The following PIP4K2A variants were observed in gnomAD, a reference collection of about 807,000 sequenced individuals.
PIP4K2A encodes phosphatidylinositol-5-phosphate 4-kinase type 2 alpha.
Under a neutral mutation model 42.9 loss-of-function variants are expected in PIP4K2A, and 14 were observed. The observed-to-expected ratio is 0.33, with a 90% confidence interval of 0.22 to 0.51. PIP4K2A has a LOEUF of 0.51. PIP4K2A is among the 20% of genes least tolerant of loss of function. PIP4K2A has a pLI of 0.97. For missense variants in PIP4K2A, 434 were observed against 519.8 expected, an observed-to-expected ratio of 0.83 and a Z score of 1.61; for synonymous variants, 192 against 192.2, an observed-to-expected ratio of 1.00 and a Z score of 0.01.
At chr10:22,667,935 AGACAGAG>A (rs1839380876) in intron 1 of PIP4K2A, among the ~76,000 whole-genome samples, 1 of 58,840 alleles carries the variant, frequency 1.7e-5, no homozygotes, top group Non-Finnish European at 4.4e-5. Context: ...GGAGGGAGGG[AGACAGAG>A]AGACAGAGAG....
chr10:22,624,824 ACT>A lies in PIP4K2A; in HGVS notation c.145-15109_145-15108del, dbSNP rs527462462. On this transcript the variant is annotated intron_variant, in intron 1 of 9. Transcript: ENST00000376573. ...CAAACAGATGTTTGAAAATATTTCC[ACT>A]GTTTTGTTATCTTTTTGCCAAAAAC... is the stretch of plus-strand genomic sequence containing the variant. 1.2e-4 allele frequency among the ~76,000 whole-genome samples: 19 copies of A among 152,342 alleles called. No homozygotes were observed. In the East Asian group the frequency reaches 3.7e-3, roughly 29 times the overall value.
chr10:22,708,932 G>A (rs1833865526), intron 1 of PIP4K2A, among the ~76,000 whole-genome samples: 1 of 152,114 alleles, frequency 6.6e-6, no homozygotes, highest in African/African-American at 2.4e-5. Context: ...ACAGGTGTGT[G>A]CCACCATACC....
At chr10:22,703,756 T>C (rs572349267) in intron 1 of PIP4K2A, among the ~76,000 whole-genome samples, 1 of 152,204 alleles carries the variant, frequency 6.6e-6, no homozygotes, top group Non-Finnish European at 1.5e-5. Flanking sequence ...CAAAACTGAA[T>C]GCCGGGAGAC....
intron 1 of PIP4K2A, among the ~76,000 whole-genome samples, chr10:22,693,399 G>A (rs1007149151): frequency 1.3e-5 from 2 of 152,106 alleles, no homozygotes; most frequent in African/African-American, 2.4e-5. Context: ...ACTAAAAAGA[G>A]TCCAAGAGTG....
intron 1 of PIP4K2A, among the ~76,000 whole-genome samples, chr10:22,646,754 C>T (rs1404206003): frequency 6.6e-6 from 1 of 152,136 alleles, no homozygotes; most frequent in East Asian, 1.9e-4. Context: ...GTTGTTTGCA[C>T]CCACCTGTGG....
intron 1 of PIP4K2A, among the ~76,000 whole-genome samples, chr10:22,628,935 C>T (rs1315836803): frequency 1.3e-5 from 2 of 152,104 alleles, no homozygotes; most frequent in East Asian, 1.9e-4. Context: ...CATGTCCAAC[C>T]CCCTCTTCCA....
At position 22,537,128 on chromosome 10, in the gene PIP4K2A, G is replaced by T; in HGVS notation, c.*73C>A. On this transcript the variant is annotated 3_prime_UTR_variant, in exon 10 of 10. Transcript: ENST00000376573. Reference sequence around the variant, plus strand: ...CAAGATGAGTACTTCACTGAGTTTGGTTTTCATTTTTCCTACACCGAAGCC... The same window carrying T: ...CAAGATGAGTACTTCACTGAGTTTGTTTTTCATTTTTCCTACACCGAAGCC... 8.5e-7 allele frequency: 1 copy of T among 1,170,332 alleles called. No homozygotes were observed. The highest frequency in any genetic ancestry group is 2.5e-5 in the East Asian group (1 of 39,246). The allele number at this position is 1,170,332 out of a possible 1,614,324, so 72.5% of individuals were successfully genotyped here.
At chr10:22,669,218 C>A (rs1839404169) in intron 1 of PIP4K2A, among the ~76,000 whole-genome samples, 1 of 151,878 alleles carries the variant, frequency 6.6e-6, no homozygotes, top group Non-Finnish European at 1.5e-5. Flanking sequence ...TTAGAAGAGA[C>A]CGAAGATCAA....
intron 6 of PIP4K2A, among the ~76,000 whole-genome samples, chr10:22,566,575 G>A (rs1400770629): frequency 6.6e-6 from 1 of 151,996 alleles, no homozygotes; most frequent in East Asian, 1.9e-4. Context: ...TCCCAGCTCC[G>A]GCCAGCATCT....
intron 3 of PIP4K2A, among the ~76,000 whole-genome samples, chr10:22,601,499 G>GT (rs1184150803): frequency 1.3e-5 from 2 of 152,222 alleles, no homozygotes; most frequent in African/African-American, 4.8e-5. Context: ...CTCAGCCTCA[G>GT]TGCGTCTCTG....
rs1306227040 is a variant in PIP4K2A, at chr10:22,558,949, TTTTATG to T, written c.679-8183_679-8178del. ...TTATTCCTTTTTTAATACTGTCATA[TTTTATG>T]ACAACTCTATGTGGTAATGTCAAAG... On this transcript the variant is annotated intron_variant, in intron 6 of 9. Coordinates refer to ENST00000376573, the MANE Select transcript of PIP4K2A (RefSeq NM_005028.5). Among the ~76,000 whole-genome samples the T allele has an allele frequency of 2.6e-5, 4 of 152,204 alleles. No homozygotes were observed. In the East Asian group the frequency reaches 7.7e-4, roughly 29 times the overall value.
rs1268479073 is a variant in PIP4K2A, at chr10:22,714,416, C to T, written c.-90G>A. Reference sequence around the variant, plus strand: ...CCGGCCCGGGGAGGCAGCCGCATCCCCCCGGCGGCGGCCCCGGCGCGCCGC... The same window carrying T: ...CCGGCCCGGGGAGGCAGCCGCATCCTCCCGGCGGCGGCCCCGGCGCGCCGC... On this transcript the variant is annotated 5_prime_UTR_variant, in exon 1 of 10. Transcript: ENST00000376573. 1 of 947,668 alleles carries T rather than the reference C, an allele frequency of 1.1e-6. No individual in the cohort carries two copies. The highest frequency in any genetic ancestry group is 4.9e-5 in the South Asian group (1 of 20,454). 58.7% of individuals were successfully genotyped at this position (947,668 alleles called of 1,614,324 possible). A position where few individuals can be genotyped will look rare whatever the true frequency, so the allele number is the denominator to read the frequency against.
intron 1 of PIP4K2A, among the ~76,000 whole-genome samples, chr10:22,679,538 A>G (rs2130875563): frequency 6.6e-6 from 1 of 152,346 alleles, no homozygotes; most frequent in South Asian, 2.1e-4. Flanking sequence ...ATATAACCCA[A>G]CAATTTCACT....
chr10:22,651,002 T>C (rs1012569957), intron 1 of PIP4K2A, among the ~76,000 whole-genome samples: 1 of 152,196 alleles, frequency 6.6e-6, no homozygotes, highest in Non-Finnish European at 1.5e-5. Flanking sequence ...CCCAGATTTG[T>C]AGCTCTAGCT....
chr10:22,585,969 GA>G (rs34423770), intron 4 of PIP4K2A, among the ~76,000 whole-genome samples: 41,947 of 150,402 alleles, frequency 0.28, 6,092 homozygotes, highest in African/African-American at 0.31. Context: ...TCAGTGCGGG[GA>G]AAAAAAAAAT....
chr10:22,649,409 GGA>G (rs1838947105), intron 1 of PIP4K2A, among the ~76,000 whole-genome samples: 1 of 152,186 alleles, frequency 6.6e-6, no homozygotes, highest in Non-Finnish European at 1.5e-5. Context: ...CTGAGTGAGT[GGA>G]GTTACTGTTG....
intron 1 of PIP4K2A, among the ~76,000 whole-genome samples, chr10:22,636,235 A>T (rs565363653): frequency 1.3e-5 from 2 of 152,106 alleles, no homozygotes; most frequent in Non-Finnish European, 1.5e-5. Flanking sequence ...ACCACAACTG[A>T]TTTATTTTTC....
chr10:22,594,263 AT>A (rs1313982292), intron 3 of PIP4K2A, among the ~76,000 whole-genome samples: 1 of 152,186 alleles, frequency 6.6e-6, no homozygotes, highest in Non-Finnish European at 1.5e-5. Flanking sequence ...CTTTCCCATT[AT>A]ATTCTCTACA....
At chr10:22,560,900 G>A (rs988641999) in intron 6 of PIP4K2A, among the ~76,000 whole-genome samples, 4 of 152,216 alleles carry the variant, frequency 2.6e-5, no homozygotes, top group Admixed American at 1.3e-4. Flanking sequence ...CAGAAATCAA[G>A]TGAGTCCAGT....
Sources: gnomAD v4.1 joint callset for allele counts (sites outside exome capture counted in the v4.1 genomes callset) on GRCh38, gnomAD v4.1.1 for gene constraint, MANE v1.5 for transcripts, NCBI Gene and HGNC (gene_info 2026-07-23, HGNC 2026-07-21) for gene names.